The following KCNH5 variants were observed in gnomAD, a reference collection of about 807,000 sequenced individuals.
The protein encoded by KCNH5 is potassium voltage-gated channel subfamily H member 5.
KCNH5 carries 46 observed loss-of-function variants against 96.1 expected under a neutral mutation model. That is an observed-to-expected ratio of 0.48 (90% CI 0.38 to 0.61). KCNH5 has a LOEUF of 0.61. KCNH5 is among the 20% of genes least tolerant of loss of function. KCNH5 has a pLI of 0.00. For missense variants in KCNH5, 907 were observed against 1,225.8 expected (o/e 0.74, Z 3.88); for synonymous variants, 439 against 449.8 (o/e 0.98, Z 0.30).
intron 10 of KCNH5, among the ~76,000 whole-genome samples, chr14:62,744,503 T>C (rs1264972740): frequency 2.6e-5 from 4 of 152,134 alleles, no homozygotes; most frequent in Non-Finnish European, 5.9e-5. Flanking sequence ...TTCCATACCA[T>C]CATAGTCTCA....
chr14:62,826,905 C>T (rs1302720967), intron 8 of KCNH5, among the ~76,000 whole-genome samples: 4 of 151,782 alleles, frequency 2.6e-5, no homozygotes, highest in African/African-American at 9.7e-5. Flanking sequence ...GAAACGACTT[C>T]ATGAATCAGA....
intron 9 of KCNH5, among the ~76,000 whole-genome samples, chr14:62,795,082 A>T (rs142833819): frequency 9.9e-5 from 15 of 152,198 alleles, no homozygotes; most frequent in African/African-American, 3.6e-4. Context: ...TCTTTGTTCA[A>T]ATTGCCTAGT....
rs1026415225 is a variant in KCNH5 at position 62,703,684 on chromosome 14, G to C, written c.*3824C>G. ...CCCCCTTTCCATTAAGATGAGAAGA[G>C]AAATACTTTTACACCTAATAGAAAA... On this transcript the variant is annotated 3_prime_UTR_variant, in exon 11 of 11. Transcript: ENST00000322893. 6.6e-6 allele frequency: 1 copy of C among 151,724 alleles called. No individual in the cohort carries two copies. Among genetic ancestry groups the C allele is most frequent in the Non-Finnish European group, 1.5e-5 (1 of 67,736 alleles). 9.4% of individuals were successfully genotyped at this position (151,724 alleles called of 1,614,324 possible).
intron 8 of KCNH5, among the ~76,000 whole-genome samples, chr14:62,822,155 T>C (rs12897538): frequency 6.6e-6 from 1 of 152,072 alleles, no homozygotes; most frequent in African/African-American, 2.4e-5. Flanking sequence ...TATACCATGT[T>C]AATAAATTGG....
intron 6 of KCNH5, among the ~76,000 whole-genome samples, chr14:62,970,131 C>T (rs1037632356): frequency 1.4e-5 from 2 of 145,090 alleles, no homozygotes; most frequent in African/African-American, 2.5e-5. Context: ...ATACAAATTA[C>T]TAATATTAGA....
intron 1 of KCNH5, among the ~76,000 whole-genome samples, chr14:63,023,391 G>T (rs1472827719): frequency 6.6e-6 from 1 of 151,936 alleles, no homozygotes; most frequent in Non-Finnish European, 1.5e-5. Flanking sequence ...TTTTTGCAGG[G>T]TTCTCTTTTT....
At chr14:62,846,303 A>T (rs1595652309) in intron 8 of KCNH5, among the ~76,000 whole-genome samples, 1 of 152,180 alleles carries the variant, frequency 6.6e-6, no homozygotes, top group Non-Finnish European at 1.5e-5. Context: ...ATCACTTTAC[A>T]TATTAAGGTA....
intron 8 of KCNH5, among the ~76,000 whole-genome samples, chr14:62,818,670 T>C (rs1444955614): frequency 6.6e-6 from 1 of 152,196 alleles, no homozygotes; most frequent in Non-Finnish European, 1.5e-5. Context: ...CTTAGGTATA[T>C]ACACTAAAGA....
At chr14:62,942,562 G>A (rs1286278208) in intron 7 of KCNH5, among the ~76,000 whole-genome samples, 1 of 152,150 alleles carries the variant, frequency 6.6e-6, no homozygotes, top group African/African-American at 2.4e-5. Context: ...ATTGACCAGT[G>A]TGCAACTAAA....
intron 9 of KCNH5, among the ~76,000 whole-genome samples, chr14:62,789,485 A>G (rs534605492): frequency 5.9e-5 from 9 of 151,964 alleles, no homozygotes; most frequent in Non-Finnish European, 1.0e-4. Flanking sequence ...ACTATTGTTA[A>G]TTTTTTAATA....
intron 8 of KCNH5, among the ~76,000 whole-genome samples, chr14:62,835,829 T>C (rs908786517): frequency 6.6e-6 from 1 of 152,072 alleles, no homozygotes; most frequent in Non-Finnish European, 1.5e-5. Context: ...TGGTTTTTTT[T>C]GTTTTACTTT....
chr14:62,982,990 T>C (rs7142940), intron 5 of KCNH5, among the ~76,000 whole-genome samples: 65,086 of 152,034 alleles, frequency 0.43, 15,212 homozygotes, highest in African/African-American at 0.62. Context: ...GCTTTTCAAC[T>C]ACTGGCCTGT....
intron 1 of KCNH5, among the ~76,000 whole-genome samples, chr14:63,017,513 A>G (rs1032617141): frequency 2.0e-5 from 3 of 151,840 alleles, no homozygotes; most frequent in African/African-American, 7.2e-5. Flanking sequence ...ATTTTCAACC[A>G]CATAATACAG....
chr14:62,985,233 TG>T (rs1448431823), intron 5 of KCNH5, among the ~76,000 whole-genome samples: 1 of 152,206 alleles, frequency 6.6e-6, no homozygotes, highest in East Asian at 1.9e-4. Flanking sequence ...TGTCTTATTT[TG>T]GTCTTCAGAA....
At chr14:62,853,456 C>CATATATATAT (rs61444088) in intron 7 of KCNH5, among the ~76,000 whole-genome samples, 138 of 93,042 alleles carry the variant, frequency 1.5e-3, no homozygotes, top group East Asian at 3.9e-3. Context: ...AAAGAATAAT[C>CATATATATAT]ATATATATAT....
intron 7 of KCNH5, among the ~76,000 whole-genome samples, chr14:62,890,698 CAAAA>C (rs1277209731): frequency 1.8e-5 from 1 of 55,900 alleles, no homozygotes; most frequent in African/African-American, 7.0e-5. Flanking sequence ...GACTCCGTCT[CAAAA>C]AAAAAAAAAA....
At chr14:62,888,536 T>C (rs374890509) in intron 7 of KCNH5, among the ~76,000 whole-genome samples, 1 of 152,154 alleles carries the variant, frequency 6.6e-6, no homozygotes, top group Non-Finnish European at 1.5e-5. Context: ...ATAAGATCTA[T>C]ATTTTTATAT....
rs1566631486 is a variant in KCNH5 at position 62,700,842 on chromosome 14, A to G, written c.*6666T>C. On this transcript the variant is annotated 3_prime_UTR_variant, in exon 11 of 11. Coordinates refer to ENST00000322893, the MANE Select transcript of KCNH5 (RefSeq NM_139318.5). ...CATGGCAACAATGGTTCTAGGAACA[A>G]CAATAATCTTTATGTTGCTTTTTGC... is the stretch of plus-strand genomic sequence containing the variant. The G allele has an allele frequency of 6.6e-6, 1 of 152,184 alleles. No individual in the cohort carries two copies. Among genetic ancestry groups the G allele is most frequent in the South Asian group, 2.1e-4 (1 of 4,826 alleles). The allele number at this position is 152,184 out of a possible 1,614,324, so 9.4% of individuals were successfully genotyped here.
intron 10 of KCNH5, among the ~76,000 whole-genome samples, chr14:62,742,419 G>A (rs893566395): frequency 2.0e-5 from 3 of 151,922 alleles, no homozygotes; most frequent in African/African-American, 7.3e-5. Context: ...TGATTCTTGT[G>A]TACAGCTTTG....
Sources: allele counts gnomAD v4.1 joint callset (sites outside exome capture counted in the v4.1 genomes callset), GRCh38; gene constraint gnomAD v4.1.1; transcripts MANE v1.5; gene names NCBI Gene and HGNC (gene_info 2026-07-23, HGNC 2026-07-21).